Variants in APOOL observed in about 807,000 individuals in gnomAD.
APOOL encodes the protein apolipoprotein O like.
Under a neutral mutation model 23.1 loss-of-function variants are expected in APOOL, and 12 were observed. That is an observed-to-expected ratio of 0.52 (90% confidence interval 0.33 to 0.84). APOOL has a LOEUF of 0.84. Among genes scored for constraint, APOOL ranks in the 40% least tolerant of loss-of-function variants. The pLI is 0.02. For missense variants in APOOL, 212 were observed against 199.6 expected (o/e 1.06, Z -0.37); for synonymous variants, 77 against 69.9 (o/e 1.10, Z -0.51).
intron 8 of APOOL, among the ~76,000 whole-genome samples, chrX:85,077,835 G>C (rs1447123135): frequency 9.0e-6 from 1 of 111,729 alleles, no homozygotes; most frequent in Non-Finnish European, 1.9e-5. Context: ...TTGTGGTTTT[G>C]ATTTGCAGTG....
chrX:85,058,360 A>C (rs753170581), intron 5 of APOOL, among the ~76,000 whole-genome samples: 1 of 111,122 alleles, frequency 9.0e-6, no homozygotes, highest in African/African-American at 3.3e-5. Context: ...TGCTGAGGAT[A>C]ATGGCTTTCC....
rs761399330 is a variant in APOOL, at chrX:85,074,021, T to C, written c.510T>C (p.Ala170=). The C allele has an allele frequency of 1.7e-6, 2 of 1,167,342 alleles. No homozygotes were observed. The highest frequency in any genetic ancestry group is 3.6e-5 in the African/African-American group (2 of 55,807). Reference sequence around the variant, plus strand: ...AGGTAACAGCAAAAAAGGTATATGCTACAAGCCAGCAAATTTTTGGAGCAG... The same window carrying C: ...AGGTAACAGCAAAAAAGGTATATGCCACAAGCCAGCAAATTTTTGGAGCAG... ...IAKVTAKKVY[A]TSQQIFGAVK... is the part of the protein sequence containing the mutation. The change falls in exon 7 of 9, where the codon GCT becomes GCC. Residue 170 remains alanine, a synonymous_variant. Coordinates refer to ENST00000373173, the MANE Select transcript of APOOL (RefSeq NM_198450.6).
chrX:85,017,416 T>C (rs1490526776), intron 1 of APOOL, among the ~76,000 whole-genome samples: 2 of 111,785 alleles, frequency 1.8e-5, no homozygotes, highest in Non-Finnish European at 3.8e-5. Flanking sequence ...CCCTGGGCCA[T>C]AAGTTGCCTT....
intron 1 of APOOL, among the ~76,000 whole-genome samples, chrX:85,035,558 T>A (rs67212448): frequency 0.059 from 6,535 of 111,081 alleles, 457 homozygotes; most frequent in African/African-American, 0.19. Context: ...TTTCTAGCTT[T>A]TCTTCAGGGT....
chrX:85,064,378 T>A (rs192354339), intron 5 of APOOL, among the ~76,000 whole-genome samples: 1 of 106,584 alleles, frequency 9.4e-6, no homozygotes, highest in East Asian at 3.0e-4. Context: ...TGTGCCTTTG[T>A]CACCTTCAGC....
intron 8 of APOOL, among the ~76,000 whole-genome samples, chrX:85,081,771 G>T (rs746420906): frequency 5.4e-5 from 6 of 111,267 alleles, no homozygotes; most frequent in African/African-American, 2.0e-4. Context: ...CATATTTCTT[G>T]GAGGCTTTCT....
intron 1 of APOOL, among the ~76,000 whole-genome samples, chrX:85,032,076 T>A (rs1285730966): frequency 1.8e-5 from 2 of 111,914 alleles, no homozygotes; most frequent in Admixed American, 1.9e-4. Context: ...AAAATCTGAT[T>A]ACTGAGTTTG....
At chrX:85,021,525 A>T (rs777365399) in intron 1 of APOOL, among the ~76,000 whole-genome samples, 3 of 110,726 alleles carry the variant, frequency 2.7e-5, no homozygotes, top group Non-Finnish European at 3.8e-5. Context: ...TCACCCCAAT[A>T]CTGGGACAGA....
Position 85,087,756 on chromosome X carries a change from A to ATCAGTTACCCATTAC in APOOL, c.*78_*79insTCAGTTACCCATTAC. 3.5e-6 allele frequency: 3 copies of ATCAGTTACCCATTAC among 864,989 alleles called. No individual in the cohort carries two copies. The highest frequency in any genetic ancestry group is 4.8e-6 in the Non-Finnish European group (3 of 621,537). 71.3% of individuals were successfully genotyped at this position (864,989 alleles called of 1,213,427 possible). A position where few individuals can be genotyped will look rare whatever the true frequency, so the allele number is the denominator to read the frequency against. ...AAATAATGATGAAAATAAATCATGT[A>ATCAGTTACCCATTAC]ATGGGTAACTGATACATAGAGTATT... On this transcript the variant is annotated 3_prime_UTR_variant, in exon 9 of 9. Coordinates refer to ENST00000373173, the MANE Select transcript of APOOL (RefSeq NM_198450.6).
chrX:85,015,831 G>A (rs1290163072), intron 1 of APOOL, among the ~76,000 whole-genome samples: 1 of 111,574 alleles, frequency 9.0e-6, no homozygotes, highest in African/African-American at 3.3e-5. Flanking sequence ...GCCTCCCAAA[G>A]TGCTGGGATT....
At chrX:85,050,087 A>G (rs1922710752) in intron 2 of APOOL, among the ~76,000 whole-genome samples, 1 of 102,936 alleles carries the variant, frequency 9.7e-6, no homozygotes, top group African/African-American at 3.6e-5. Context: ...CTAATTATAC[A>G]TAGTTGCCAA....
At chrX:85,018,701 T>C (rs2147475752) in intron 1 of APOOL, among the ~76,000 whole-genome samples, 1 of 111,636 alleles carries the variant, frequency 9.0e-6, no homozygotes, top group East Asian at 2.8e-4. Flanking sequence ...TTTCATTCAT[T>C]ATATTCTTCA....
At chrX:85,068,836 A>T (rs1357378725) in intron 6 of APOOL, among the ~76,000 whole-genome samples, 1 of 112,201 alleles carries the variant, frequency 8.9e-6, no homozygotes. Context: ...GCATCTATCC[A>T]TACAAATATC....
Position 85,039,952 on chromosome X carries a change from G to A in APOOL, c.16-6494G>A, listed in dbSNP as rs766485970. 7.7e-4 allele frequency among the ~76,000 whole-genome samples: 86 copies of A among 111,624 alleles called. 1 individual carries two copies. Among genetic ancestry groups the A allele is most frequent in the African/African-American group, 2.5e-3 (78 of 30,777 alleles). ...TTGGTCCTGTCATCATGTTGTTAGC[G>A]GGTTAATATGCAGATTTGATTGTGT... On this transcript the variant is annotated intron_variant, in intron 1 of 8. Coordinates refer to ENST00000373173, the MANE Select transcript of APOOL (RefSeq NM_198450.6).
intron 5 of APOOL, among the ~76,000 whole-genome samples, chrX:85,063,765 G>A (rs1260922813): frequency 9.0e-6 from 1 of 111,253 alleles, no homozygotes; most frequent in Non-Finnish European, 1.9e-5. Flanking sequence ...GATTTGGTTT[G>A]CCAGTATTTT....
intron 2 of APOOL, 114 bp downstream of exon 2, chrX:85,046,664 A>C: frequency 1.7e-6 from 1 of 573,089 alleles, no homozygotes; most frequent in Admixed American, 4.0e-5. Context: ...TTTGTTAGGT[A>C]GATATTAAAA....
intron 1 of APOOL, among the ~76,000 whole-genome samples, chrX:85,044,123 A>C (rs2147642939): frequency 9.0e-6 from 1 of 111,434 alleles, no homozygotes; most frequent in Non-Finnish European, 1.9e-5. Flanking sequence ...TTATTTATTA[A>C]TAATTTTAAT....
intron 8 of APOOL, among the ~76,000 whole-genome samples, chrX:85,077,688 C>T (rs899866137): frequency 8.9e-6 from 1 of 111,887 alleles, no homozygotes; most frequent in East Asian, 2.8e-4. Context: ...GCCACACTCT[C>T]TTCCAGAATG....
At position 85,067,172 on chromosome X, in the gene APOOL, T is replaced by C. The variant is rs960559839; in HGVS notation, c.440T>C (p.Leu147Ser). The change falls in exon 6 of 9, where the codon TTA (leucine) becomes TCA (serine). Residue 147 changes from leucine to serine, a missense_variant. Coordinates refer to ENST00000373173, the MANE Select transcript of APOOL (RefSeq NM_198450.6). ...ACTTATCCTCTGGGACTGGCCACTT[T>C]AGGAGCAACTGTTTGCTACCCAGTT... is the stretch of plus-strand genomic sequence containing the variant. ...KITYPLGLAT[L>S]GATVCYPVQS... 3.4e-6 allele frequency: 4 copies of C among 1,160,150 alleles called. No individual in the cohort carries two copies. Among genetic ancestry groups the C allele is most frequent in the African/African-American group, 3.6e-5 (2 of 55,684 alleles).
Sources: allele counts gnomAD v4.1 joint callset (sites outside exome capture counted in the v4.1 genomes callset), GRCh38; gene constraint gnomAD v4.1.1; transcripts MANE v1.5; gene names NCBI Gene and HGNC (gene_info 2026-07-23, HGNC 2026-07-21).